DAOA: variants seen among roughly 807,000 people sequenced by gnomAD.
The protein encoded by DAOA is D-amino acid oxidase activator.
Under a neutral mutation model 16.4 loss-of-function variants are expected in DAOA, and 15 were observed. The observed-to-expected ratio is 0.91, with a 90% confidence interval of 0.61 to 1.41. The LOEUF is 1.41. Ranked by LOEUF, DAOA falls within the 40% of genes most tolerant of loss-of-function variation. The pLI is 0.00. For missense variants in DAOA, 230 were observed against 176.8 expected, an observed-to-expected ratio of 1.30 and a Z score of -1.71; for synonymous variants, 75 against 59.1, an observed-to-expected ratio of 1.27 and a Z score of -1.23.
intron 4 of DAOA, 38 bp from the exon 5 acceptor site, chr13:105,489,863 C>T (rs373115565): frequency 1.9e-6 from 3 of 1,613,766 alleles, no homozygotes; most frequent in Non-Finnish European, 1.7e-6. Context: ...GGTTACCTTT[C>T]ACAAGACCTG....
chr13:105,472,493 G>T, intron 3 of DAOA, 45 bp from the exon 4 acceptor site: 1 of 1,577,166 alleles, frequency 6.3e-7, no homozygotes, highest in Non-Finnish European at 8.6e-7. Flanking sequence ...TAAAAGATGT[G>T]ATAGAGTTAA....
At chr13:105,490,833 A>G (rs72549499) in intron 5 of DAOA, 79 bp from the exon 6 acceptor site, 5 of 152,024 alleles carry the variant, frequency 3.3e-5, no homozygotes, top group Non-Finnish European at 7.4e-5. Flanking sequence ...TAAAATACCT[A>G]CTCAGAAGCA....
intron 4 of DAOA, among the ~76,000 whole-genome samples, chr13:105,488,537 ATCT>A (rs1878293284): frequency 6.6e-6 from 1 of 152,156 alleles, no homozygotes; most frequent in Non-Finnish European, 1.5e-5. Context: ...AAACGCAATT[ATCT>A]GTTTTGCTTT....
rs1465283128 is a variant in DAOA, at chr13:105,467,233, CA to C, written c.133+94del. On this transcript the variant is annotated intron_variant, in intron 3 of 5. Transcript: ENST00000375936. The stretch of plus-strand genomic sequence containing the variant: ...CTACATAATACTTTTGACATATTTT[CA>C]AGCGTAGACAAACTTCAATTAATTT... 3.1e-6 allele frequency: 4 copies of C among 1,301,960 alleles called. No homozygotes were observed. In the African/African-American group the frequency reaches 4.4e-5, roughly 14 times the overall value. The allele number at this position is 1,301,960 out of a possible 1,614,324, so 80.7% of individuals were successfully genotyped here. A position where few individuals can be genotyped will look rare whatever the true frequency, so the allele number is the denominator to read the frequency against.
chr13:105,480,724 T>C (rs1017903884), intron 4 of DAOA, among the ~76,000 whole-genome samples: 2 of 152,026 alleles, frequency 1.3e-5, no homozygotes, highest in African/African-American at 4.8e-5. Context: ...AACTCGGCTA[T>C]GGGAAGTGGG....
chr13:105,466,868 C>T (rs1876556877), intron 2 of DAOA, 185 bp from the exon 3 acceptor site: 2 of 769,070 alleles, frequency 2.6e-6, no homozygotes, highest in African/African-American at 3.6e-5. Context: ...AAAAAAAATG[C>T]AAACCTCAAT....
intron 4 of DAOA, among the ~76,000 whole-genome samples, chr13:105,478,914 C>T (rs1174398320): frequency 1.3e-5 from 2 of 152,102 alleles, no homozygotes; most frequent in Non-Finnish European, 2.9e-5. Flanking sequence ...CCAAACTAAC[C>T]CACTCTTGTC....
chr13:105,474,414 A>T (rs905585417), intron 4 of DAOA, among the ~76,000 whole-genome samples: 1 of 152,106 alleles, frequency 6.6e-6, no homozygotes, highest in Non-Finnish European at 1.5e-5. Flanking sequence ...TTTGTAATAC[A>T]TAGATATTGT....
At chr13:105,473,404 G>A (rs9558563) in intron 4 of DAOA, among the ~76,000 whole-genome samples, 53,882 of 151,672 alleles carry the variant, frequency 0.36, 9,817 homozygotes, top group East Asian at 0.57. Flanking sequence ...ACGAGAATAA[G>A]CAACATTGCA....
At chr13:105,490,342 T>A (rs1324899686) in intron 5 of DAOA, 150 bp downstream of exon 5, 1 of 235,436 alleles carries the variant, frequency 4.2e-6, no homozygotes, top group Admixed American at 6.2e-5. Context: ...TAATATTTCA[T>A]CACTAAATTA....
chr13:105,466,820 T>A (rs1339784115), intron 2 of DAOA, among the ~76,000 whole-genome samples: 1 of 152,148 alleles, frequency 6.6e-6, no homozygotes, highest in African/African-American at 2.4e-5. Context: ...AACTCTCCTG[T>A]CAGCTATTTA....
chr13:105,487,455 T>G lies in DAOA; in HGVS notation c.282-2446T>G, dbSNP rs80003997. Among the ~76,000 whole-genome samples the G allele has an allele frequency of 5.8e-3, 884 of 152,300 alleles. 11 individuals carry two copies. Among genetic ancestry groups the G allele is most frequent in the African/African-American group, 0.02 (832 of 41,568 alleles). On this transcript the variant is annotated intron_variant, in intron 4 of 5. Coordinates refer to ENST00000375936, the MANE Select transcript of DAOA (RefSeq NM_172370.5). ...AAGAAACAGGACTGGCAAACACTTT[T>G]AACATTCCCTGTCTTTGGAATTTAC...
chr13:105,467,040 C>A lies in DAOA; in HGVS notation c.45-13C>A. On this transcript the variant is annotated splice_polypyrimidine_tract_variant and intron_variant, in intron 2 of 5. Transcript: ENST00000375936. ...GGAATCTGAACACGACTGATATTTT[C>A]TTTAATTTTTAGATCCAGATATACA... is the stretch of plus-strand genomic sequence containing the variant. 6.2e-7 allele frequency: 1 copy of A among 1,606,850 alleles called. No homozygotes were observed. Among genetic ancestry groups the A allele is most frequent in the Non-Finnish European group, 8.5e-7 (1 of 1,177,228 alleles).
chr13:105,483,280 G>C (rs1052327262), intron 4 of DAOA, among the ~76,000 whole-genome samples: 1 of 152,032 alleles, frequency 6.6e-6, no homozygotes, highest in Admixed American at 6.5e-5. Flanking sequence ...TTGTTTCCAG[G>C]TTTCAGCTGC....
At chr13:105,468,646 T>C (rs1487799799) in intron 3 of DAOA, among the ~76,000 whole-genome samples, 1 of 152,238 alleles carries the variant, frequency 6.6e-6, no homozygotes. Flanking sequence ...GGTGGAATAA[T>C]TTGAGAAGCA....
At chr13:105,480,050 G>A (rs1211342676) in intron 4 of DAOA, among the ~76,000 whole-genome samples, 1 of 152,110 alleles carries the variant, frequency 6.6e-6, no homozygotes, top group Admixed American at 6.6e-5. Context: ...AATAAAATAG[G>A]TCAGAATAAT....
intron 2 of DAOA, 174 bp downstream of exon 2, chr13:105,466,506 T>TCAG: frequency 9.4e-7 from 1 of 1,064,906 alleles, no homozygotes; most frequent in Non-Finnish European, 1.3e-6. Flanking sequence ...ATTCTGTCAG[T>TCAG]CAAAGGAGAA....
chr13:105,476,534 C>A (rs1010530061), intron 4 of DAOA, among the ~76,000 whole-genome samples: 4 of 146,596 alleles, frequency 2.7e-5, no homozygotes, highest in African/African-American at 5.0e-5. Context: ...ATATGAGGTA[C>A]TACAAAAAGG....
At chr13:105,470,417 T>A (rs1231041937) in intron 3 of DAOA, among the ~76,000 whole-genome samples, 3 of 152,164 alleles carry the variant, frequency 2.0e-5, no homozygotes, top group Non-Finnish European at 4.4e-5. Context: ...GCCTTTTTTA[T>A]CATTCTCATT....
Sources: allele counts gnomAD v4.1 joint callset (sites outside exome capture counted in the v4.1 genomes callset), GRCh38; gene constraint gnomAD v4.1.1; transcripts MANE v1.5; gene names NCBI Gene and HGNC (gene_info 2026-07-23, HGNC 2026-07-21).